RBFOX1: variants seen among roughly 807,000 people sequenced by gnomAD.
RBFOX1 encodes RNA binding fox-1 homolog 1.
RBFOX1 carries 8 observed loss-of-function variants against 57.7 expected under a neutral mutation model. That is an observed-to-expected ratio of 0.14 (90% CI 0.08 to 0.25). RBFOX1 has a LOEUF of 0.25. RBFOX1 is among the 10% of genes least tolerant of loss of function. The pLI is 1.00. For missense variants in RBFOX1, 611 were observed against 548.5 expected, an observed-to-expected ratio of 1.11 and a Z score of -1.14; for synonymous variants, 326 against 222.4, an observed-to-expected ratio of 1.47 and a Z score of -4.15.
chr16:5,727,576 C>T (rs759584274), intron 3 of RBFOX1, among the ~76,000 whole-genome samples: 7 of 152,180 alleles, frequency 4.6e-5, no homozygotes, highest in Non-Finnish European at 1.0e-4. Context: ...ATCCGGTCTC[C>T]AGAACTTACT....
intron 4 of RBFOX1, among the ~76,000 whole-genome samples, chr16:7,354,128 G>A (rs758676792): frequency 2.6e-5 from 4 of 151,940 alleles, no homozygotes; most frequent in African/African-American, 9.6e-5. Flanking sequence ...CTGCCACCAC[G>A]CCCAGCTAAT....
chr16:7,546,580 A>G (rs1458368260), intron 5 of RBFOX1, among the ~76,000 whole-genome samples: 1 of 152,212 alleles, frequency 6.6e-6, no homozygotes, highest in Non-Finnish European at 1.5e-5. Flanking sequence ...GCAATGTTTG[A>G]CAAAAAATTA....
intron 1 of RBFOX1, among the ~76,000 whole-genome samples, chr16:5,314,782 T>G (rs2064186984): frequency 6.7e-6 from 1 of 149,674 alleles, no homozygotes; most frequent in African/African-American, 2.5e-5. Context: ...ATTTGAGGCA[T>G]GAGTCACCAC....
chr16:6,974,720 A>G (rs1010903938), intron 3 of RBFOX1, among the ~76,000 whole-genome samples: 1 of 151,994 alleles, frequency 6.6e-6, no homozygotes, highest in Non-Finnish European at 1.5e-5. Context: ...GTCCCTTTCC[A>G]TATTTTTCTT....
intron 2 of RBFOX1, among the ~76,000 whole-genome samples, chr16:6,488,930 A>T (rs1047763927): frequency 4.6e-5 from 7 of 152,178 alleles, no homozygotes; most frequent in African/African-American, 1.7e-4. Context: ...GGTAGAAGGT[A>T]TGTGTACTTC....
intron 2 of RBFOX1, among the ~76,000 whole-genome samples, chr16:6,480,782 A>G (rs2095360023): frequency 6.6e-6 from 1 of 152,184 alleles, no homozygotes; most frequent in Non-Finnish European, 1.5e-5. Flanking sequence ...ATTTGTATAT[A>G]TATTTGTACC....
chr16:5,301,190 G>A (rs1296783149), intron 1 of RBFOX1, among the ~76,000 whole-genome samples: 1 of 152,110 alleles, frequency 6.6e-6, no homozygotes, highest in African/African-American at 2.4e-5. Context: ...TCTCCTATTT[G>A]CTTGTTCTAA....
chr16:5,284,592 A>T (rs1479879603), intron 1 of RBFOX1, among the ~76,000 whole-genome samples: 1 of 143,658 alleles, frequency 7.0e-6, no homozygotes, highest in Admixed American at 7.1e-5. Flanking sequence ...CCCAGGCTGG[A>T]GTACAGTGGC....
chr16:5,683,272 G>C (rs1242277516), intron 3 of RBFOX1, among the ~76,000 whole-genome samples: 1 of 152,126 alleles, frequency 6.6e-6, no homozygotes, highest in Admixed American at 6.5e-5. Context: ...AAGAGATTCT[G>C]ACTTCCTTGC....
rs2098759862 is a variant in RBFOX1 at position 7,440,780 on chromosome 16, C to A, written c.28-77367C>A. ...GGCTTTGCATCTTCCTCTTCAACTT[C>A]ATCCCTTCCTCTCTATTCCTCACAT... On this transcript the variant is annotated intron_variant, in intron 4 of 15. Coordinates refer to ENST00000550418, the MANE Select transcript of RBFOX1 (RefSeq NM_018723.4). Among the ~76,000 whole-genome samples the A allele has an allele frequency of 1.3e-5, 2 of 152,116 alleles. 1 individual carries two copies. The highest frequency in any genetic ancestry group is 4.2e-4 in the South Asian group (2 of 4,816).
At chr16:6,266,537 A>T (rs1157814841) in intron 1 of RBFOX1, among the ~76,000 whole-genome samples, 1 of 152,044 alleles carries the variant, frequency 6.6e-6, no homozygotes, top group East Asian at 1.9e-4. Flanking sequence ...AACATGGTGA[A>T]ACCCCATCTC....
At chr16:6,289,187 G>C (rs1228529766) in intron 1 of RBFOX1, among the ~76,000 whole-genome samples, 2 of 152,140 alleles carry the variant, frequency 1.3e-5, no homozygotes, top group Admixed American at 1.3e-4. Context: ...AACAGTCTTT[G>C]ATCAGTAGAA....
At chr16:5,427,584 C>CAAAAT (rs1555515840) in intron 1 of RBFOX1, among the ~76,000 whole-genome samples, 1 of 27,272 alleles carries the variant, frequency 3.7e-5, no homozygotes, top group Non-Finnish European at 6.5e-5. Flanking sequence ...GACTCTGTCT[C>CAAAAT]AAAACAAAAC....
At chr16:5,721,087 C>A (rs1402127322) in intron 3 of RBFOX1, among the ~76,000 whole-genome samples, 1 of 152,004 alleles carries the variant, frequency 6.6e-6, no homozygotes, top group Non-Finnish European at 1.5e-5. Context: ...TATTTAGGTT[C>A]CTTTAAATTT....
intron 1 of RBFOX1, among the ~76,000 whole-genome samples, chr16:5,344,042 A>G (rs1467231392): frequency 6.6e-6 from 1 of 152,112 alleles, no homozygotes; most frequent in African/African-American, 2.4e-5. Context: ...CTGTGCTGGG[A>G]TGGGGTGCAA....
At chr16:6,793,441 G>C (rs1253297147) in intron 3 of RBFOX1, among the ~76,000 whole-genome samples, 2 of 152,164 alleles carry the variant, frequency 1.3e-5, no homozygotes, top group African/African-American at 4.8e-5. Context: ...AATTCTCTGA[G>C]AGAAATATCC....
chr16:6,751,506 C>G (rs1568460088), intron 3 of RBFOX1, among the ~76,000 whole-genome samples: 2 of 152,152 alleles, frequency 1.3e-5, no homozygotes. Flanking sequence ...CTTTGCCTCA[C>G]TTGTAGGTGA....
intron 4 of RBFOX1, among the ~76,000 whole-genome samples, chr16:7,196,299 C>A (rs2086675349): frequency 6.6e-6 from 1 of 152,266 alleles, no homozygotes. Context: ...TCTTCACTCT[C>A]CCCTTTCATC....
At chr16:6,321,035 C>T (rs1224592997) in intron 2 of RBFOX1, among the ~76,000 whole-genome samples, 1 of 152,182 alleles carries the variant, frequency 6.6e-6, no homozygotes, top group African/African-American at 2.4e-5. Context: ...CTCAGGTGAT[C>T]CTCCTACGTC....
Sources: gnomAD v4.1 joint callset for allele counts (sites outside exome capture counted in the v4.1 genomes callset) on GRCh38, gnomAD v4.1.1 for gene constraint, MANE v1.5 for transcripts, NCBI Gene and HGNC (gene_info 2026-07-23, HGNC 2026-07-21) for gene names.